KHDRBS2: variants seen among roughly 807,000 people sequenced by gnomAD.
KHDRBS2 encodes the protein KH domain-containing, RNA-binding, signal transduction-associated protein 2.
Under a neutral mutation model 44.3 loss-of-function variants are expected in KHDRBS2, and 26 were observed. The observed-to-expected ratio is 0.59, with a 90% CI of 0.43 to 0.81. The LOEUF is 0.81. Among genes scored for constraint, KHDRBS2 ranks in the 40% least tolerant of loss-of-function variants. The pLI is 0.00. For missense variants in KHDRBS2, 476 were observed against 433.1 expected, an observed-to-expected ratio of 1.10 and a Z score of -0.88; for synonymous variants, 194 against 151.1, an observed-to-expected ratio of 1.28 and a Z score of -2.08.
intron 6 of KHDRBS2, among the ~76,000 whole-genome samples, chr6:61,823,883 A>T (rs1790409195): frequency 6.6e-6 from 1 of 152,146 alleles, no homozygotes; most frequent in Non-Finnish European, 1.5e-5. Context: ...CTTAATGAAG[A>T]AATAATGTCT....
At chr6:62,028,849 G>A (rs2127289684) in intron 3 of KHDRBS2, among the ~76,000 whole-genome samples, 1 of 152,034 alleles carries the variant, frequency 6.6e-6, no homozygotes, top group East Asian at 1.9e-4. Flanking sequence ...CGACACATGT[G>A]AGAATTCACA....
chr6:61,544,558 A>G, the KHDRBS2 span, among the ~76,000 whole-genome samples: 1 of 152,154 alleles, frequency 6.6e-6, no homozygotes, highest in African/African-American at 2.4e-5. Flanking sequence ...AACTGGGGAA[A>G]GTGGTAGGGA....
chr6:62,127,243 G>T (rs1265138791), intron 2 of KHDRBS2, among the ~76,000 whole-genome samples: 1 of 152,136 alleles, frequency 6.6e-6, no homozygotes, highest in Admixed American at 6.6e-5. Context: ...TTTGAAGATA[G>T]AGATAGATAT....
At chr6:61,811,310 C>A (rs991857154) in intron 6 of KHDRBS2, among the ~76,000 whole-genome samples, 1 of 152,126 alleles carries the variant, frequency 6.6e-6, no homozygotes, top group African/African-American at 2.4e-5. Flanking sequence ...CATAGCATTC[C>A]ATGATGTATA....
At chr6:61,746,166 C>T (rs1776829198) in intron 6 of KHDRBS2, among the ~76,000 whole-genome samples, 1 of 151,836 alleles carries the variant, frequency 6.6e-6, no homozygotes, top group Non-Finnish European at 1.5e-5. Flanking sequence ...CTGTTCCAAT[C>T]AACCAGAAAG....
chr6:62,079,161 G>T (rs897573055), intron 2 of KHDRBS2, among the ~76,000 whole-genome samples: 2 of 151,760 alleles, frequency 1.3e-5, no homozygotes, highest in African/African-American at 2.4e-5. Flanking sequence ...GTCATCTTGG[G>T]TTTCTCTGTG....
At chr6:62,020,605 T>G (rs1161506665) in intron 3 of KHDRBS2, among the ~76,000 whole-genome samples, 1 of 152,032 alleles carries the variant, frequency 6.6e-6, no homozygotes, top group Non-Finnish European at 1.5e-5. Context: ...TTTTGCTTCA[T>G]GTACTTTGTG....
At chr6:62,069,660 T>A (rs979970652) in intron 2 of KHDRBS2, among the ~76,000 whole-genome samples, 12 of 151,756 alleles carry the variant, frequency 7.9e-5, no homozygotes, top group Admixed American at 5.3e-4. Context: ...CAAAGATGAT[T>A]AACATTATAC....
intron 4 of KHDRBS2, among the ~76,000 whole-genome samples, chr6:61,928,995 C>A (rs893463234): frequency 2.0e-5 from 3 of 152,048 alleles, no homozygotes; most frequent in Admixed American, 6.5e-5. Flanking sequence ...ACTTATCACA[C>A]AATATCATAT....
intron 6 of KHDRBS2, among the ~76,000 whole-genome samples, chr6:61,789,846 C>T (rs1418347162): frequency 1.3e-5 from 2 of 151,372 alleles, no homozygotes; most frequent in Admixed American, 1.3e-4. Flanking sequence ...TCACCTAATC[C>T]TCACAAAAAT....
chr6:61,770,772 A>G (rs1328981926), intron 6 of KHDRBS2, among the ~76,000 whole-genome samples: 1 of 152,246 alleles, frequency 6.6e-6, no homozygotes, highest in African/African-American at 2.4e-5. Context: ...GCAGGATATT[A>G]TCCAGGAGAA....
intron 2 of KHDRBS2, among the ~76,000 whole-genome samples, chr6:62,048,620 T>C (rs187804071): frequency 6.1e-4 from 93 of 151,942 alleles, no homozygotes; most frequent in African/African-American, 2.2e-3. Flanking sequence ...ACATAAAAGT[T>C]AAAAAACAGT....
At chr6:61,610,017 C>CA in the KHDRBS2 span, among the ~76,000 whole-genome samples, 58 of 150,714 alleles carry the variant, frequency 3.8e-4, no homozygotes, top group South Asian at 1.5e-3. Flanking sequence ...GCTAAAAATA[C>CA]AAAAAAAAAT....
chr6:62,128,288 G>A (rs1159061615), intron 2 of KHDRBS2, among the ~76,000 whole-genome samples: 2 of 152,022 alleles, frequency 1.3e-5, no homozygotes, highest in Non-Finnish European at 2.9e-5. Flanking sequence ...ATAATCAGTG[G>A]CTACCTTATA....
the KHDRBS2 span, among the ~76,000 whole-genome samples, chr6:61,656,671 G>T: frequency 6.6e-6 from 1 of 151,916 alleles, no homozygotes; most frequent in African/African-American, 2.4e-5. Flanking sequence ...TCTACTTCAA[G>T]CTACCAAAAT....
At chr6:62,177,452 G>C in intron 1 of KHDRBS2, 140 bp from the exon 2 acceptor site, 1 of 638,814 alleles carries the variant, frequency 1.6e-6, no homozygotes, top group Non-Finnish European at 2.6e-6. Flanking sequence ...TAAAAGGCCT[G>C]AAACAGCATC....
the KHDRBS2 span, among the ~76,000 whole-genome samples, chr6:61,640,041 C>A: frequency 6.6e-6 from 1 of 151,838 alleles, no homozygotes; most frequent in Non-Finnish European, 1.5e-5. Context: ...TGGTGAAATG[C>A]GTAATGGATG....
intron 1 of KHDRBS2, among the ~76,000 whole-genome samples, chr6:62,266,625 G>A (rs892520700): frequency 5.9e-5 from 9 of 151,842 alleles, no homozygotes; most frequent in African/African-American, 1.9e-4. Flanking sequence ...CAAATGATTT[G>A]TCTCAAAGTC....
chr6:61,883,240 G>T (rs1800456755), intron 6 of KHDRBS2, among the ~76,000 whole-genome samples: 1 of 151,956 alleles, frequency 6.6e-6, no homozygotes. Context: ...ACTCCCTGAG[G>T]CTGAGATGGC....
Sources: allele counts gnomAD v4.1 joint callset (sites outside exome capture counted in the v4.1 genomes callset), GRCh38; gene constraint gnomAD v4.1.1; transcripts MANE v1.5; gene names NCBI Gene and HGNC (gene_info 2026-07-23, HGNC 2026-07-21).